Variants in SGMS1 observed in about 807,000 individuals in gnomAD.
SGMS1 encodes phosphatidylcholine:ceramide cholinephosphotransferase 1.
A neutral mutation model predicts 46.2 loss-of-function variants in SGMS1; 13 were observed. The observed-to-expected ratio is 0.28, with a 90% CI of 0.18 to 0.45. The LOEUF (loss-of-function observed/expected upper bound fraction) is 0.45. Among genes scored for constraint, SGMS1 ranks in the 20% least tolerant of loss-of-function variants. SGMS1 has a pLI of 1.00. For missense variants in SGMS1, 324 were observed against 519.9 expected, an observed-to-expected ratio of 0.62 and a Z score of 3.66; for synonymous variants, 203 against 187.8, an observed-to-expected ratio of 1.08 and a Z score of -0.66.
intron 2 of SGMS1, among the ~76,000 whole-genome samples, chr10:50,571,415 G>A (rs1838335340): frequency 6.6e-6 from 1 of 152,142 alleles, no homozygotes; most frequent in Non-Finnish European, 1.5e-5. Context: ...ATTAACTAAG[G>A]AAAGCAAATT....
chr10:50,358,923 T>G (rs1848201290), intron 6 of SGMS1, among the ~76,000 whole-genome samples: 1 of 152,174 alleles, frequency 6.6e-6, no homozygotes, highest in Non-Finnish European at 1.5e-5. Flanking sequence ...GCCACATAGT[T>G]TCAGCTGAAG....
chr10:50,366,987 C>T (rs1036511807), intron 6 of SGMS1, among the ~76,000 whole-genome samples: 1 of 152,080 alleles, frequency 6.6e-6, no homozygotes, highest in African/African-American at 2.4e-5. Flanking sequence ...TATGAACAGA[C>T]ACTTCTCAAA....
At chr10:50,509,589 C>G (rs1028905956) in intron 3 of SGMS1, among the ~76,000 whole-genome samples, 1 of 152,174 alleles carries the variant, frequency 6.6e-6, no homozygotes, top group African/African-American at 2.4e-5. Flanking sequence ...TTTGACTGCA[C>G]ATTGTATACT....
At chr10:50,587,631 A>ATGTGTGTGTG (rs1415958432) in intron 2 of SGMS1, among the ~76,000 whole-genome samples, 1,467 of 118,618 alleles carry the variant, frequency 0.012, 26 homozygotes, top group Non-Finnish European at 0.013. Context: ...CTCAAAATAT[A>ATGTGTGTGTG]TATGTGTGTG....
At chr10:50,447,835 A>G (rs1028485479) in intron 5 of SGMS1, among the ~76,000 whole-genome samples, 3 of 152,198 alleles carry the variant, frequency 2.0e-5, no homozygotes, top group Non-Finnish European at 4.4e-5. Context: ...CATGAAGTAC[A>G]ATAGATCTCT....
At position 50,344,010 on chromosome 10, in the gene SGMS1, G is replaced by A; in HGVS notation, c.105C>T (p.Asp35=). The part of the protein sequence containing the change: ...CEPLEHFTGQ[D]LINLTQEDFK... Reference sequence around the variant, plus strand: ...AATCCTCTTGGGTTAGGTTGATCAAGTCCTGGCCTGTGAAATGCTCCAGAG... The same window carrying A: ...AATCCTCTTGGGTTAGGTTGATCAAATCCTGGCCTGTGAAATGCTCCAGAG... The change falls in exon 7 of 11, where the codon GAC becomes GAT. Residue 35 remains aspartate (D), a synonymous_variant. Transcript: ENST00000361781. 6 of 1,614,186 alleles carry A rather than the reference G, an allele frequency of 3.7e-6. No individual in the cohort carries two copies. The highest frequency in any genetic ancestry group is 1.1e-5 in the South Asian group (1 of 91,086).
At chr10:50,424,510 T>C (rs2133601708) in intron 6 of SGMS1, among the ~76,000 whole-genome samples, 1 of 152,324 alleles carries the variant, frequency 6.6e-6, no homozygotes, top group Non-Finnish European at 1.5e-5. Flanking sequence ...AAGGAATTTA[T>C]GACTAAGTCC....
intron 1 of SGMS1, among the ~76,000 whole-genome samples, chr10:50,609,365 T>C (rs1838726083): frequency 6.6e-6 from 1 of 152,074 alleles, no homozygotes; most frequent in African/African-American, 2.4e-5. Context: ...CATGGATTAT[T>C]TACAGAATTT....
chr10:50,351,466 A>G (rs1330625200), intron 6 of SGMS1, among the ~76,000 whole-genome samples: 2 of 152,148 alleles, frequency 1.3e-5, no homozygotes, highest in Admixed American at 1.3e-4. Context: ...GGGCAGAATG[A>G]TATGGTTTGG....
At position 50,310,658 on chromosome 10, in the gene SGMS1, A is replaced by G. The variant is rs543081617; in HGVS notation, c.895+604T>C. ...TTTCTAAAAGGGTTATCTGAATTAA[A>G]TATGACAAAATGCTAATATATATTA... On this transcript the variant is annotated intron_variant, in intron 9 of 10. Coordinates refer to ENST00000361781, the MANE Select transcript of SGMS1 (RefSeq NM_147156.4). 3.3e-5 allele frequency among the ~76,000 whole-genome samples: 5 copies of G among 152,136 alleles called. No individual in the cohort carries two copies. In the East Asian group the frequency reaches 9.6e-4, roughly 29 times the overall value.
At chr10:50,607,979 A>T (rs552267213) in intron 1 of SGMS1, among the ~76,000 whole-genome samples, 9 of 152,342 alleles carry the variant, frequency 5.9e-5, no homozygotes, top group Admixed American at 3.9e-4. Context: ...GTCAACATCC[A>T]CCCAGTATCA....
chr10:50,555,943 C>T (rs749771584), intron 2 of SGMS1, among the ~76,000 whole-genome samples: 5 of 152,224 alleles, frequency 3.3e-5, no homozygotes, highest in Non-Finnish European at 5.9e-5. Context: ...TTTATCTTAG[C>T]TCAACGGAAA....
intron 7 of SGMS1, among the ~76,000 whole-genome samples, chr10:50,332,793 T>C (rs1322515877): frequency 6.6e-6 from 1 of 151,764 alleles, no homozygotes; most frequent in South Asian, 2.1e-4. Context: ...TGGCTAATTT[T>C]TAAAAAATTT....
chr10:50,341,563 GTA>G (rs774762177), intron 7 of SGMS1: 6 of 399,016 alleles, frequency 1.5e-5, no homozygotes, highest in Admixed American at 2.8e-5. Context: ...AAATGTAGTT[GTA>G]TATATATATG....
intron 9 of SGMS1, among the ~76,000 whole-genome samples, chr10:50,309,205 T>G (rs1020036351): frequency 6.6e-6 from 1 of 152,056 alleles, no homozygotes; most frequent in Non-Finnish European, 1.5e-5. Context: ...AATGGAGCAG[T>G]TAGGGTAGGA....
chr10:50,428,760 C>G (rs1396758826), intron 6 of SGMS1, among the ~76,000 whole-genome samples: 1 of 152,160 alleles, frequency 6.6e-6, no homozygotes, highest in Non-Finnish European at 1.5e-5. Context: ...CTGCAAAATG[C>G]AGATAATCCC....
At chr10:50,574,330 G>A (rs746099662) in intron 2 of SGMS1, among the ~76,000 whole-genome samples, 24 of 152,058 alleles carry the variant, frequency 1.6e-4, no homozygotes, top group Admixed American at 1.6e-3. Flanking sequence ...ATTTAAAAAT[G>A]AGCATTGAAC....
chr10:50,560,222 C>T (rs1838222504), intron 2 of SGMS1, among the ~76,000 whole-genome samples: 3 of 140,974 alleles, frequency 2.1e-5, no homozygotes, highest in Non-Finnish European at 4.5e-5. Context: ...ATATATATTA[C>T]ATAATATATA....
At chr10:50,593,189 A>G (rs1454846273) in intron 1 of SGMS1, among the ~76,000 whole-genome samples, 2 of 152,244 alleles carry the variant, frequency 1.3e-5, no homozygotes, top group African/African-American at 2.4e-5. Context: ...CCTCCTGGCA[A>G]CAGCTATGTG....
Sources: allele counts gnomAD v4.1 joint callset (sites outside exome capture counted in the v4.1 genomes callset), GRCh38; gene constraint gnomAD v4.1.1; transcripts MANE v1.5; gene names NCBI Gene and HGNC (gene_info 2026-07-23, HGNC 2026-07-21).